Variants in CNGA3 observed in about 807,000 individuals in gnomAD.
CNGA3 encodes the protein cyclic nucleotide gated channel subunit alpha 3.
Under a neutral mutation model 46.6 loss-of-function variants are expected in CNGA3, and 42 were observed. That is an observed-to-expected ratio of 0.90 (90% CI 0.70 to 1.17). CNGA3 has a LOEUF of 1.17. Among genes scored for constraint, CNGA3 ranks in the 50% most tolerant of loss-of-function variants. The pLI, the probability that CNGA3 is intolerant of heterozygous loss-of-function variation, is 0.00. For synonymous variants in CNGA3, 394 were observed against 369.4 expected (o/e 1.07, Z -0.76); for missense variants, 893 against 890.7 (o/e 1.00, Z -0.03).
intron 1 of CNGA3, among the ~76,000 whole-genome samples, chr2:98,363,190 A>T (rs1172155246): frequency 6.6e-6 from 1 of 152,210 alleles, no homozygotes; most frequent in Non-Finnish European, 1.5e-5. Context: ...TCTGTGAAGA[A>T]TGTCAATGGT....
intron 5 of CNGA3, among the ~76,000 whole-genome samples, chr2:98,385,806 A>C (rs1012223874): frequency 6.6e-6 from 1 of 152,170 alleles, no homozygotes; most frequent in Non-Finnish European, 1.5e-5. Context: ...GAAGCTTTCA[A>C]TCATGGTGGA....
intron 5 of CNGA3, among the ~76,000 whole-genome samples, chr2:98,387,535 T>G (rs1281786229): frequency 6.6e-6 from 1 of 152,054 alleles, no homozygotes; most frequent in Non-Finnish European, 1.5e-5. Flanking sequence ...TTTATAAGAG[T>G]TCCTAGCTCT....
rs116491738 is a variant in CNGA3, at chr2:98,388,837, G to A, written c.450-821G>A. ...CCGGTCAGTGAGTGACCTTGCACTTGCAGCATCCAGGTGAAGGCAGGAAGT... is the reference window on the plus strand; with the variant it reads ...CCGGTCAGTGAGTGACCTTGCACTTACAGCATCCAGGTGAAGGCAGGAAGT... On this transcript the variant is annotated intron_variant, in intron 5 of 7. Coordinates refer to ENST00000272602, the MANE Select transcript of CNGA3 (RefSeq NM_001298.3). 1.6e-3 allele frequency among the ~76,000 whole-genome samples: 242 copies of A among 152,348 alleles called. 1 individual carries two copies. Among genetic ancestry groups the A allele is most frequent in the African/African-American group, 5.1e-3 (213 of 41,580 alleles).
chr2:98,354,963 T>C (rs1691846503), intron 1 of CNGA3, among the ~76,000 whole-genome samples: 1 of 152,226 alleles, frequency 6.6e-6, no homozygotes. Flanking sequence ...GGATACCCTT[T>C]GTTAGGTTGA....
intron 1 of CNGA3, among the ~76,000 whole-genome samples, chr2:98,363,328 G>A (rs1475532286): frequency 6.6e-6 from 1 of 152,116 alleles, no homozygotes; most frequent in Non-Finnish European, 1.5e-5. Flanking sequence ...ATTTCTTTGA[G>A]CAGTGGTTTG....
intron 6 of CNGA3, 142 bp from the exon 7 acceptor site, chr2:98,391,722 A>C (rs973427717): frequency 1.3e-6 from 1 of 741,110 alleles, no homozygotes; most frequent in Admixed American, 2.0e-5. Context: ...GGGTGATTAC[A>C]CTGAGGTAGT....
At chr2:98,369,589 G>A (rs1692238625) in intron 1 of CNGA3, among the ~76,000 whole-genome samples, 1 of 152,186 alleles carries the variant, frequency 6.6e-6, no homozygotes, top group Non-Finnish European at 1.5e-5. Context: ...AGGGTCAAGA[G>A]GGACACTGCA....
intron 7 of CNGA3, 65 bp from the exon 8 acceptor site, chr2:98,395,779 C>A: frequency 2.2e-6 from 3 of 1,373,638 alleles, no homozygotes; most frequent in Non-Finnish European, 3.1e-6. Flanking sequence ...AAATATGTTT[C>A]TTTGTACTAT....
chr2:98,389,617 T>C, intron 5 of CNGA3, 41 bp from the exon 6 acceptor site: 1 of 1,566,306 alleles, frequency 6.4e-7, no homozygotes. Context: ...AGCTACAGTC[T>C]TGGAGCACAG....
rs568091719 is a variant in CNGA3, at chr2:98,379,557, C to T, written c.216-618C>T. On this transcript the variant is annotated intron_variant, in intron 3 of 7. Transcript: ENST00000272602. Reference sequence around the variant, plus strand: ...GCTCACGGCAAGCTCCAGGCAGGGCCGGGCTCCGGGAGAGGGCCCAGGGCA... The same window carrying T: ...GCTCACGGCAAGCTCCAGGCAGGGCTGGGCTCCGGGAGAGGGCCCAGGGCA... 7.2e-5 allele frequency among the ~76,000 whole-genome samples: 11 copies of T among 152,266 alleles called. No individual in the cohort carries two copies. In the South Asian group the frequency reaches 1.0e-3, roughly 14 times the overall value.
intron 7 of CNGA3, among the ~76,000 whole-genome samples, chr2:98,393,133 G>A (rs1223437375): frequency 6.6e-6 from 1 of 152,052 alleles, no homozygotes; most frequent in South Asian, 2.1e-4. Flanking sequence ...ACGTGTTGGT[G>A]TGTGCCTCAG....
At chr2:98,348,326 C>A (rs1481874106) in intron 1 of CNGA3, among the ~76,000 whole-genome samples, 1 of 152,196 alleles carries the variant, frequency 6.6e-6, no homozygotes, top group Non-Finnish European at 1.5e-5. Flanking sequence ...TGTGCACTTG[C>A]CTTTGATGCT....
rs1158240149 is a variant in CNGA3, at chr2:98,383,442, G to GT, written c.449+2dup. 1 of 1,614,192 alleles carries GT rather than the reference G, an allele frequency of 6.2e-7. No individual in the cohort carries two copies. The highest frequency in any genetic ancestry group is 8.5e-7 in the Non-Finnish European group (1 of 1,180,040). On this transcript the variant is annotated splice_donor_variant, in intron 5 of 7. Coordinates refer to ENST00000272602, the MANE Select transcript of CNGA3 (RefSeq NM_001298.3). LOFTEE classifies it high-confidence loss of function. ...ACACCAGCAACAACACGGAGGAGGAGTAAGTACCCACACACCCAGCAGAGC... is the reference window on the plus strand; with the variant it reads ...ACACCAGCAACAACACGGAGGAGGAGTTAAGTACCCACACACCCAGCAGAGC...
intron 1 of CNGA3, among the ~76,000 whole-genome samples, chr2:98,362,071 T>A (rs1364193100): frequency 1.3e-5 from 2 of 152,124 alleles, no homozygotes; most frequent in Non-Finnish European, 2.9e-5. Context: ...TGGTTTTGAT[T>A]TGCATTTCCC....
rs140093444 is a variant in CNGA3 at position 98,397,538 on chromosome 2, G to A, written c.*283G>A. 5.9e-5 allele frequency: 29 copies of A among 495,496 alleles called. No homozygotes were observed. Among genetic ancestry groups the A allele is most frequent in the East Asian group, 3.7e-5 (1 of 27,358 alleles). 30.7% of individuals were successfully genotyped at this position (495,496 alleles called of 1,614,324 possible). On this transcript the variant is annotated 3_prime_UTR_variant, in exon 8 of 8. Coordinates refer to ENST00000272602, the MANE Select transcript of CNGA3 (RefSeq NM_001298.3). ...ATCCCCAGTCCAAGTATATGAAAAC[G>A]TGCACACAGGACTCTCATTACTTTT...
chr2:98,361,002 TTTTATTTTATTTTATTTTA>T (rs1364013297), intron 1 of CNGA3, among the ~76,000 whole-genome samples: 1 of 100,088 alleles, frequency 1.0e-5, no homozygotes, highest in African/African-American at 3.1e-5. Flanking sequence ...TTTATTTTTA[TTTTATTTTATTTTATTTTA>T]TTTATTTTAT....
At chr2:98,350,267 A>T (rs1461064675) in intron 1 of CNGA3, among the ~76,000 whole-genome samples, 1 of 152,200 alleles carries the variant, frequency 6.6e-6, no homozygotes, top group African/African-American at 2.4e-5. Context: ...TGTTGTGGGG[A>T]TTAAATGAAG....
chr2:98,381,769 A>C (rs1692542657), intron 4 of CNGA3, among the ~76,000 whole-genome samples: 1 of 152,142 alleles, frequency 6.6e-6, no homozygotes, highest in Admixed American at 6.5e-5. Flanking sequence ...GCGCTGGCCC[A>C]GACAAGTGCA....
At chr2:98,350,258 G>A (rs916546547) in intron 1 of CNGA3, among the ~76,000 whole-genome samples, 8 of 152,184 alleles carry the variant, frequency 5.3e-5, no homozygotes, top group Non-Finnish European at 7.3e-5. Flanking sequence ...TCATCGAGTT[G>A]TTGTGGGGAT....
Sources: gnomAD v4.1 joint callset for allele counts (sites outside exome capture counted in the v4.1 genomes callset) on GRCh38, gnomAD v4.1.1 for gene constraint, MANE v1.5 for transcripts, NCBI Gene and HGNC (gene_info 2026-07-23, HGNC 2026-07-21) for gene names.